IL6R: variants seen among roughly 807,000 people sequenced by gnomAD.
IL6R encodes interleukin-6 receptor subunit alpha.
IL6R carries 38 observed loss-of-function variants against 48.3 expected under a neutral mutation model. The observed-to-expected ratio is 0.79, with a 90% CI of 0.61 to 1.03. The LOEUF is 1.03. Among genes scored for constraint, IL6R ranks in the 50% least tolerant of loss-of-function variants. IL6R has a pLI of 0.00. For missense variants in IL6R, 534 were observed against 618.3 expected (o/e 0.86, Z 1.45); for synonymous variants, 264 against 256.2 (o/e 1.03, Z -0.29).
chr1:154,413,543 A>G (rs758048563), intron 1 of IL6R, among the ~76,000 whole-genome samples: 10 of 151,806 alleles, frequency 6.6e-5, no homozygotes, highest in Admixed American at 2.0e-4. Flanking sequence ...TGCCCTTGCC[A>G]AAAGTGTACT....
intron 6 of IL6R, chr1:154,444,999 A>G (rs1252506180): frequency 2.2e-6 from 1 of 446,180 alleles, no homozygotes; most frequent in South Asian, 1.6e-5. Context: ...GCACCCAGAC[A>G]CTGTGGAGAT....
intron 1 of IL6R, chr1:154,415,229 A>G: frequency 4.8e-6 from 3 of 628,298 alleles, no homozygotes. Flanking sequence ...CCATTCCAAT[A>G]TTTTAAAAGA....
rs1319613956 is a variant in IL6R at position 154,430,569 on chromosome 1, T to C, written c.421T>C (p.Ser141Pro). ...VCEWGPRSTP[S>P]LTTKAVLLVR... is the part of the protein sequence containing the mutation. ...TGAGTGGGGTCCTCGGAGCACCCCA[T>C]CCCTGACGACAAAGGCTGTGCTCTT... is the stretch of plus-strand genomic sequence containing the variant. Residue 141 changes from serine to proline, a missense_variant, in exon 3 of 10, where the codon TCC becomes CCC. Ser to Pro is a moderately conservative substitution (Grantham distance 74). Coordinates refer to ENST00000368485, the MANE Select transcript of IL6R (RefSeq NM_000565.4). 6.2e-7 allele frequency: 1 copy of C among 1,614,114 alleles called. No individual in the cohort carries two copies. Among genetic ancestry groups the C allele is most frequent in the Admixed American group, 1.7e-5 (1 of 60,010 alleles).
At chr1:154,432,650 G>A (rs1244236467) in intron 3 of IL6R, among the ~76,000 whole-genome samples, 1 of 152,206 alleles carries the variant, frequency 6.6e-6, no homozygotes, top group Admixed American at 6.5e-5. Flanking sequence ...GAGCCACCGC[G>A]CCCGGCTTGA....
rs1691499323 is a variant in IL6R at position 154,465,272 on chromosome 1, C to T, written c.1299C>T (p.Ser433=). 1 of 1,614,158 alleles carries T rather than the reference C, an allele frequency of 6.2e-7. No homozygotes were observed. Among genetic ancestry groups the T allele is most frequent in the Non-Finnish European group, 8.5e-7 (1 of 1,180,032 alleles). Residue 433 remains serine, a synonymous_variant, in exon 10 of 10, where the codon TCC becomes TCT. Coordinates refer to ENST00000368485, the MANE Select transcript of IL6R (RefSeq NM_000565.4). The stretch of plus-strand genomic sequence containing the variant: ...TTCCTCTCATCTCCCCACCGGTGTC[C>T]CCCAGCAGCCTGGGGTCTGACAATA... The part of the protein sequence containing the change: ...VLVPLISPPV[S]PSSLGSDNTS...
chr1:154,426,187 CACACACAT>C (rs1348140862), intron 1 of IL6R, among the ~76,000 whole-genome samples: 1 of 150,368 alleles, frequency 6.7e-6, no homozygotes, highest in Non-Finnish European at 1.5e-5. Flanking sequence ...CACACACACA[CACACACAT>C]ATATACACAC....
intron 1 of IL6R, among the ~76,000 whole-genome samples, chr1:154,410,420 T>G (rs536007539): frequency 7.9e-5 from 12 of 152,114 alleles, no homozygotes; most frequent in African/African-American, 2.9e-4. Flanking sequence ...TCTGGCTAAT[T>G]TTTTGTATTT....
chr1:154,462,012 A>G (rs1329279555), intron 9 of IL6R, among the ~76,000 whole-genome samples: 1 of 152,220 alleles, frequency 6.6e-6, no homozygotes, highest in Non-Finnish European at 1.5e-5. Context: ...CAGAAATCCT[A>G]TCTACAGAAA....
chr1:154,441,138 C>A (rs897844297), intron 6 of IL6R, among the ~76,000 whole-genome samples: 1 of 152,244 alleles, frequency 6.6e-6, no homozygotes, highest in African/African-American at 2.4e-5. Context: ...CCCAGACCTG[C>A]ATCTGCTTGG....
At chr1:154,419,406 G>A (rs35717427) in intron 1 of IL6R, among the ~76,000 whole-genome samples, 22,578 of 152,170 alleles carry the variant, frequency 0.15, 2,086 homozygotes, top group East Asian at 0.36. Context: ...TTGTTTCCAT[G>A]TGGACACAAG....
intron 1 of IL6R, 88 bp from the exon 2 acceptor site, chr1:154,429,108 C>A: frequency 1.4e-6 from 2 of 1,413,842 alleles, no homozygotes; most frequent in South Asian, 1.3e-5. Flanking sequence ...ATCATTATCA[C>A]TGAGGCCTCT....
intron 5 of IL6R, 39 bp downstream of exon 5, chr1:154,435,195 T>C: frequency 6.3e-7 from 1 of 1,588,174 alleles, no homozygotes; most frequent in Non-Finnish European, 8.6e-7. Context: ...GAGGCGCCCC[T>C]AGATGCTTAG....
Position 154,465,428 on chromosome 1 carries a change from A to C in IL6R, c.*48A>C. The C allele has an allele frequency of 1.1e-5, 17 of 1,605,194 alleles. No individual in the cohort carries two copies. The highest frequency in any genetic ancestry group is 1.4e-5 in the Non-Finnish European group (17 of 1,172,864). ...CTGGACCCTGTGGATGATAAAACAC[A>C]AACGGGCTCAGCAAAAGATGCTTCT... is the stretch of plus-strand genomic sequence containing the variant. On this transcript the variant is annotated 3_prime_UTR_variant, in exon 10 of 10. Coordinates refer to ENST00000368485, the MANE Select transcript of IL6R (RefSeq NM_000565.4).
intron 7 of IL6R, among the ~76,000 whole-genome samples, chr1:154,449,147 G>A (rs1329080452): frequency 2.1e-5 from 3 of 144,574 alleles, no homozygotes; most frequent in Non-Finnish European, 4.6e-5. Context: ...CACCCGCCTC[G>A]GCCTCCCAAA....
chr1:154,457,961 CTTTTTCT>C (rs1272374144), intron 9 of IL6R, among the ~76,000 whole-genome samples: 18 of 108,188 alleles, frequency 1.7e-4, no homozygotes, highest in African/African-American at 5.2e-4. Context: ...TTTTCTTTTT[CTTTTTCT>C]TTTTTTTTTT....
chr1:154,434,873 T>C (rs1326238924), intron 4 of IL6R, 117 bp from the exon 5 acceptor site: 1 of 1,231,660 alleles, frequency 8.1e-7, no homozygotes, highest in East Asian at 2.5e-5. Flanking sequence ...CTTGTGGAGC[T>C]GTGCATGGGG....
rs888947865 is a variant in IL6R, at chr1:154,465,895, G to A, written c.*515G>A. On this transcript the variant is annotated 3_prime_UTR_variant, in exon 10 of 10. Coordinates refer to ENST00000368485, the MANE Select transcript of IL6R (RefSeq NM_000565.4). ...CAAATTCTGTTTTTCTAGGCCTGGG[G>A]ACGGCTTTTACTTAAACCGCCAAGG... is the stretch of plus-strand genomic sequence containing the variant. 1.3e-5 allele frequency: 2 copies of A among 156,840 alleles called. No homozygotes were observed. Among genetic ancestry groups the A allele is most frequent in the African/African-American group, 4.8e-5 (2 of 41,476 alleles). 9.7% of individuals were successfully genotyped at this position (156,840 alleles called of 1,614,324 possible). A position where few individuals can be genotyped will look rare whatever the true frequency, so the allele number is the denominator to read the frequency against.
intron 1 of IL6R, among the ~76,000 whole-genome samples, chr1:154,413,399 C>T (rs542742779): frequency 1.3e-5 from 2 of 152,324 alleles, no homozygotes; most frequent in South Asian, 4.1e-4. Context: ...TGTGTGAGTG[C>T]AAGTACACCT....
chr1:154,456,754 G>A (rs1195626733), intron 9 of IL6R, among the ~76,000 whole-genome samples: 1 of 152,108 alleles, frequency 6.6e-6, no homozygotes, highest in Non-Finnish European at 1.5e-5. Flanking sequence ...ACGCTTGGCA[G>A]GCAACACAGA....
Sources: gnomAD v4.1 joint callset for allele counts (sites outside exome capture counted in the v4.1 genomes callset) on GRCh38, gnomAD v4.1.1 for gene constraint, MANE v1.5 for transcripts, NCBI Gene and HGNC (gene_info 2026-07-23, HGNC 2026-07-21) for gene names.